The following NOS2 variants were observed in gnomAD, a reference collection of about 807,000 sequenced individuals.
The protein encoded by NOS2 is nitric oxide synthase, inducible.
Under a neutral mutation model 136.0 loss-of-function variants are expected in NOS2, and 96 were observed. The ratio of observed to expected loss-of-function variants is 0.71; its 90% confidence interval spans 0.60 to 0.84. NOS2 has a LOEUF of 0.84. NOS2 is among the 40% of genes least tolerant of loss of function. The probability of loss-of-function intolerance (pLI) is 0.00; values close to 1 mark genes in which losing one functional copy is unlikely to be tolerated. For synonymous variants in NOS2, 539 were observed against 587.5 expected (o/e 0.92, Z 1.20); for missense variants, 1,237 against 1,496.9 (o/e 0.83, Z 2.87).
chr17:27,784,900 G>A (rs1366033066), intron 5 of NOS2, among the ~76,000 whole-genome samples: 1 of 152,190 alleles, frequency 6.6e-6, no homozygotes, highest in Non-Finnish European at 1.5e-5. Context: ...GTATGTACTT[G>A]TGACTTGGAA....
intron 7 of NOS2, among the ~76,000 whole-genome samples, chr17:27,781,546 C>A (rs575867195): frequency 6.6e-6 from 1 of 152,302 alleles, no homozygotes; most frequent in African/African-American, 2.4e-5. Flanking sequence ...CATACCCCAT[C>A]TTCCCCCTGC....
At chr17:27,782,408 A>G (rs1380290576) in intron 6 of NOS2, among the ~76,000 whole-genome samples, 1 of 152,142 alleles carries the variant, frequency 6.6e-6, no homozygotes, top group Non-Finnish European at 1.5e-5. Flanking sequence ...TGAAAGCACC[A>G]TGAATCGGGA....
At chr17:27,760,449 T>A (rs567021273) in intron 24 of NOS2, among the ~76,000 whole-genome samples, 174 bp downstream of exon 24, 2 of 152,352 alleles carry the variant, frequency 1.3e-5, no homozygotes, top group South Asian at 4.1e-4. Context: ...CCCTGGCTAC[T>A]ATGCGGGAGA....
intron 5 of NOS2, among the ~76,000 whole-genome samples, chr17:27,787,042 A>C: frequency 6.6e-6 from 1 of 152,160 alleles, no homozygotes; most frequent in Admixed American, 6.5e-5. Context: ...GGGTAGAAAA[A>C]AGAAGAGAAC....
intron 11 of NOS2, among the ~76,000 whole-genome samples, chr17:27,776,604 C>T (rs1445074528): frequency 2.2e-5 from 3 of 134,856 alleles, no homozygotes; most frequent in African/African-American, 8.4e-5. Context: ...ACCCAGGAGG[C>T]GGAGGTTGCA....
At chr17:27,761,079 C>T (rs1308552938) in intron 23 of NOS2, 65 bp downstream of exon 23, 2 of 1,407,564 alleles carry the variant, frequency 1.4e-6, no homozygotes, top group East Asian at 2.4e-5. Flanking sequence ...CAGATCCCTC[C>T]CTTTCCTCCC....
chr17:27,774,391 G>A lies in NOS2; in HGVS notation c.1342C>T (p.Gln448Ter). The A allele has an allele frequency of 6.4e-7, 1 of 1,569,406 alleles. No individual in the cohort carries two copies. The change falls in exon 12 of 27, where the codon CAG (glutamine) becomes TAG (stop). Residue 448 changes from glutamine to a stop codon, truncating the protein, a stop_gained. Coordinates refer to ENST00000313735, the MANE Select transcript of NOS2 (RefSeq NM_000625.4). LOFTEE classifies it high-confidence loss of function. ...CCCCCACGGGACCGGTATTCATTCT[G>A]CATGTACTTCATGAAGGATTCTGCA... ...SAAESFMKYM[Q>*]NEYRSRGGCP...
intron 2 of NOS2, among the ~76,000 whole-genome samples, chr17:27,798,340 G>A (rs1032487467): frequency 2.0e-5 from 3 of 152,180 alleles, no homozygotes; most frequent in Non-Finnish European, 4.4e-5. Flanking sequence ...GAATTGGAAT[G>A]GACGCAGGCC....
intron 17 of NOS2, 70 bp from the exon 18 acceptor site, chr17:27,767,907 C>G: frequency 6.3e-7 from 1 of 1,592,248 alleles, no homozygotes; most frequent in South Asian, 1.1e-5. Context: ...GGGGCTACCA[C>G]TTTTTAGGCC....
At position 27,767,725 on chromosome 17, in the gene NOS2, T is replaced by C; in HGVS notation, c.2147A>G (p.Gln716Arg). The C allele has an allele frequency of 1.2e-6, 2 of 1,613,730 alleles. No homozygotes were observed. The highest frequency in any genetic ancestry group is 1.7e-6 in the Non-Finnish European group (2 of 1,180,006). Residue 716 changes from glutamine (Q) to arginine (R), a missense_variant, in exon 18 of 27, where the codon CAG becomes CGG. Around this residue, in one of 3 missense-constraint regions of NOS2, gnomAD observed 782 missense variants for 909.9 expected, o/e 0.86. Coordinates refer to ENST00000313735, the MANE Select transcript of NOS2 (RefSeq NM_000625.4). ...GGTACCTTTGCTGAGGTCCAAAGGC[T>C]GTGAGTCCTGCACGAGCCTGTAGTG... ...PHHYRLVQDS[Q>R]PLDLSKALSS...
intron 2 of NOS2, among the ~76,000 whole-genome samples, chr17:27,797,894 T>C (rs1483184779): frequency 6.6e-6 from 1 of 152,150 alleles, no homozygotes; most frequent in African/African-American, 2.4e-5. Flanking sequence ...TCATTCAGGC[T>C]GGGGGAAGTC....
At chr17:27,797,856 C>G (rs1909403058) in intron 2 of NOS2, among the ~76,000 whole-genome samples, 1 of 152,164 alleles carries the variant, frequency 6.6e-6, no homozygotes, top group Admixed American at 6.5e-5. Context: ...GGCTCAAGTT[C>G]CAACTCTGTA....
intron 6 of NOS2, among the ~76,000 whole-genome samples, chr17:27,782,425 C>T (rs1471491886): frequency 6.6e-6 from 1 of 152,210 alleles, no homozygotes; most frequent in Non-Finnish European, 1.5e-5. Flanking sequence ...GGGATTGCCA[C>T]AGCCCCAGGC....
intron 17 of NOS2, 108 bp downstream of exon 17, chr17:27,768,869 G>T: frequency 8.1e-7 from 1 of 1,229,928 alleles, no homozygotes; most frequent in Non-Finnish European, 1.1e-6. Flanking sequence ...CACATCTACA[G>T]GACCACAGGC....
At chr17:27,794,752 C>T (rs958685870) in intron 2 of NOS2, among the ~76,000 whole-genome samples, 1 of 145,312 alleles carries the variant, frequency 6.9e-6, no homozygotes, top group Non-Finnish European at 1.5e-5. Flanking sequence ...ACACACCATG[C>T]TCATTTCCTA....
intron 24 of NOS2, 91 bp downstream of exon 24, chr17:27,760,532 G>T: frequency 6.6e-7 from 1 of 1,523,094 alleles, no homozygotes; most frequent in African/African-American, 1.4e-5. Flanking sequence ...CCTCGAGAGA[G>T]GTCAGGAACC....
intron 5 of NOS2, among the ~76,000 whole-genome samples, chr17:27,786,736 G>A (rs940393138): frequency 1.3e-5 from 2 of 152,072 alleles, no homozygotes; most frequent in Non-Finnish European, 2.9e-5. Flanking sequence ...ACCATTTTCG[G>A]TAAGAAAATC....
At chr17:27,766,311 G>A (rs1840146340) in intron 19 of NOS2, among the ~76,000 whole-genome samples, 199 bp downstream of exon 19, 1 of 152,212 alleles carries the variant, frequency 6.6e-6, no homozygotes. Flanking sequence ...TGGAAAAGTG[G>A]CTCGTGGTTA....
chr17:27,762,255 C>T lies in NOS2; in HGVS notation c.2800+543G>A, dbSNP rs1908156422. On this transcript the variant is annotated intron_variant, in intron 22 of 26. Coordinates refer to ENST00000313735, the MANE Select transcript of NOS2 (RefSeq NM_000625.4). ...CTCCACTGCCGCCTCTAGATGCTCC[C>T]TGAGGGCAGGGCTGATCTCTGTTGT... Among the ~76,000 whole-genome samples, 3 of 152,228 alleles carry T rather than the reference C, an allele frequency of 2.0e-5. No homozygotes were observed. The South Asian group carries it at 6.2e-4, about 31-fold the overall frequency.
Sources: gnomAD v4.1 joint callset for allele counts (sites outside exome capture counted in the v4.1 genomes callset) on GRCh38, gnomAD v4.1.1 for gene constraint, gnomAD v4.1.1 regional missense constraint, MANE v1.5 for transcripts, NCBI Gene and HGNC (gene_info 2026-07-23, HGNC 2026-07-21) for gene names.